CARD14: variants seen among roughly 807,000 people sequenced by gnomAD.
CARD14 encodes caspase recruitment domain family member 14.
In CARD14, 107 loss-of-function variants were observed where a neutral mutation model predicts 111.5. That is an observed-to-expected ratio of 0.96 (90% CI 0.82 to 1.13). The LOEUF (loss-of-function observed/expected upper bound fraction) is 1.13. Ranked by LOEUF, CARD14 falls within the 50% of genes most tolerant of loss-of-function variation. The pLI is 0.00. For synonymous variants in CARD14, 617 were observed against 579.6 expected, an observed-to-expected ratio of 1.06 and a Z score of -0.93; for missense variants, 1,322 against 1,362.3, an observed-to-expected ratio of 0.97 and a Z score of 0.47.
rs140536892 is a variant in CARD14, at chr17:80,207,062, C to G, written c.2784C>G (p.Asn928Lys). The G allele has an allele frequency of 1.9e-6, 3 of 1,613,720 alleles. No homozygotes were observed. The East Asian group carries it at 6.7e-5, about 36-fold the overall frequency. The change falls in exon 23 of 24, where the codon AAC (asparagine) becomes AAG (lysine). Residue 928 changes from asparagine (N) to lysine (K), a missense_variant. Coordinates refer to ENST00000648509, the MANE Select transcript of CARD14 (RefSeq NM_001366385.1). Reference sequence around the variant, plus strand: ...CCATCGTCATCCACGTCTCTGTCAACGAGAAGATGGCAAAGAAGCTCAAGT... The same window carrying G: ...CCATCGTCATCCACGTCTCTGTCAAGGAGAAGATGGCAAAGAAGCTCAAGT... Reference protein sequence around the residue: ...IFPIVIHVSVNEKMAKKLKKG... With the variant: ...IFPIVIHVSVKEKMAKKLKKG...
At chr17:80,175,958 T>TG (rs2040015358) in intron 2 of CARD14, among the ~76,000 whole-genome samples, 1 of 13,266 alleles carries the variant, frequency 7.5e-5, no homozygotes, top group Non-Finnish European at 1.8e-4. Flanking sequence ...GATCGTTTTT[T>TG]TTTTTTTTTT....
rs1364060913 is a variant in CARD14, at chr17:80,195,711, A to C, written c.1594+59A>C. On this transcript the variant is annotated intron_variant, in intron 14 of 23. Transcript: ENST00000648509. The surrounding 1 kb of genome is among the most constrained non-coding windows in gnomAD (Gnocchi z 4.7). Reference sequence around the variant, plus strand: ...TCCACCTCCCCTGGGCAGAGCAGGGAGCTGATGAGAAAGCCGGGGCCTCTC... The same window carrying C: ...TCCACCTCCCCTGGGCAGAGCAGGGCGCTGATGAGAAAGCCGGGGCCTCTC... 6 of 1,417,114 alleles carry C rather than the reference A, an allele frequency of 4.2e-6. No homozygotes were observed. Among genetic ancestry groups the C allele is most frequent in the Non-Finnish European group, 5.8e-6 (6 of 1,026,214 alleles). 87.8% of individuals were successfully genotyped at this position (1,417,114 alleles called of 1,614,324 possible). A position where few individuals can be genotyped will look rare whatever the true frequency, so the allele number is the denominator to read the frequency against.
intron 16 of CARD14, among the ~76,000 whole-genome samples, chr17:80,199,231 G>C (rs191409195): frequency 1.3e-5 from 2 of 152,040 alleles, no homozygotes; most frequent in African/African-American, 4.8e-5. Context: ...GGTGGCTCAC[G>C]CCTGTAATCC....
At chr17:80,171,559 A>C (rs1567861241) in intron 1 of CARD14, among the ~76,000 whole-genome samples, 1 of 152,158 alleles carries the variant, frequency 6.6e-6, no homozygotes, top group South Asian at 2.1e-4. Flanking sequence ...AGTTACAAAG[A>C]AACTCCTGCA....
chr17:80,189,841 G>A lies in CARD14; in HGVS notation c.932G>A (p.Arg311Gln), dbSNP rs771413361. Residue 311 changes from arginine (R) to glutamine (Q), a missense_variant, in exon 9 of 24, where the codon CGG (arginine) becomes CAG (glutamine). By Grantham distance (43) the Arg-to-Gln change is conservative (BLOSUM62 1). Coordinates refer to ENST00000648509, the MANE Select transcript of CARD14 (RefSeq NM_001366385.1). This position sits in a 1 kb window ranked among gnomAD's most constrained non-coding sequence, Gnocchi z 4.7. ...GAGCGCATCCACTCGCTGCGGGAGC[G>A]GGCCGTGGCTGCCGAGAGGCAGCGA... The part of the protein sequence containing the change: ...LVERIHSLRE[R>Q]AVAAERQREQ... 39 of 1,591,806 alleles carry A rather than the reference G, an allele frequency of 2.5e-5. No homozygotes were observed. In the Admixed American group the frequency reaches 5.8e-4, roughly 24 times the overall value.
chr17:80,201,618 C>T lies in CARD14; in HGVS notation c.1852-126C>T, dbSNP rs935295192. 30 of 934,014 alleles carry T rather than the reference C, an allele frequency of 3.2e-5. No homozygotes were observed. Among genetic ancestry groups the T allele is most frequent in the African/African-American group, 2.6e-4 (16 of 62,066 alleles). 57.9% of individuals were successfully genotyped at this position (934,014 alleles called of 1,614,324 possible). On this transcript the variant is annotated intron_variant, in intron 16 of 23. Transcript: ENST00000648509. The surrounding 1 kb of genome is among the most constrained non-coding windows in gnomAD (Gnocchi z 5.0). ...GTGTGTGGCTTTGTTTTGACCAAGG[C>T]GTGCAGGCAGTGGTCCTACGGCAGG...
chr17:80,203,492 C>T lies in CARD14; in HGVS notation c.2220-330C>T, dbSNP rs183105302. The T allele has an allele frequency of 6.5e-4, 184 of 281,042 alleles. No individual in the cohort carries two copies. The highest frequency in any genetic ancestry group is 1.1e-3 in the Non-Finnish European group (160 of 150,736). 17.4% of individuals were successfully genotyped at this position (281,042 alleles called of 1,614,324 possible). A position where few individuals can be genotyped will look rare whatever the true frequency, so the allele number is the denominator to read the frequency against. ...CAGCTCTCTCGGTGACTCCAGGCTG[C>T]AGGCCAGGGACCCACCATGAATATT... On this transcript the variant is annotated intron_variant, in intron 18 of 23. Transcript: ENST00000648509. This position sits in a 1 kb window ranked among gnomAD's most constrained non-coding sequence, Gnocchi z 4.6.
intron 1 of CARD14, among the ~76,000 whole-genome samples, chr17:80,171,110 G>A (rs2039886351): frequency 6.7e-6 from 1 of 150,306 alleles, no homozygotes; most frequent in Non-Finnish European, 1.5e-5. Flanking sequence ...CAAAGTGCTG[G>A]GATTACGGGC....
intron 23 of CARD14, chr17:80,207,699 T>C (rs1190441937): frequency 5.9e-6 from 1 of 168,286 alleles, no homozygotes; most frequent in African/African-American, 2.4e-5. Context: ...GAAAATGACA[T>C]TTTATAATTG....
Position 80,182,898 on chromosome 17 carries a change from TC to T in CARD14, c.349+110del. The T allele has an allele frequency of 7.4e-7, 1 of 1,346,166 alleles. No homozygotes were observed. Among genetic ancestry groups the T allele is most frequent in the Non-Finnish European group, 1.0e-6 (1 of 964,700 alleles). The allele number at this position is 1,346,166 out of a possible 1,614,324, so 83.4% of individuals were successfully genotyped here. ...CCGATTTGCCCTACTCCCCCTTCCC[TC>T]CAGGCTGCAGTTCCTGTCCCAGCCC... On this transcript the variant is annotated intron_variant, in intron 6 of 23. Transcript: ENST00000648509. This position sits in a 1 kb window ranked among gnomAD's most constrained non-coding sequence, Gnocchi z 4.7.
At chr17:80,204,469 A>C (rs1391370913) in intron 20 of CARD14, 128 bp downstream of exon 20, 1 of 894,234 alleles carries the variant, frequency 1.1e-6, no homozygotes, top group Non-Finnish European at 1.7e-6. Flanking sequence ...GGTCTTCAAG[A>C]ATCATGGGGC....
rs773835416 is a variant in CARD14, at chr17:80,207,070, T to A, written c.2792T>A (p.Met931Lys). 9 of 1,613,566 alleles carry A rather than the reference T, an allele frequency of 5.6e-6. No homozygotes were observed. Among genetic ancestry groups the A allele is most frequent in the Non-Finnish European group, 6.8e-6 (8 of 1,179,750 alleles). The change falls in exon 23 of 24, where the codon ATG becomes AAG. Residue 931 changes from methionine to lysine, a missense_variant. Transcript: ENST00000648509. ...IVIHVSVNEK[M>K]AKKLKKGLQR... ...ATCCACGTCTCTGTCAACGAGAAGATGGCAAAGAAGCTCAAGTAGGTGCAC... is the reference window on the plus strand; with the variant it reads ...ATCCACGTCTCTGTCAACGAGAAGAAGGCAAAGAAGCTCAAGTAGGTGCAC...
rs778539318 is a variant in CARD14 at position 80,201,852 on chromosome 17, G to C, written c.1960G>C (p.Val654Leu). ...GGTGGACGGCTTCTGCTGCCTGTCTGTGAAGGTCAACACGGACGGTACACA... is the reference window on the plus strand; with the variant it reads ...GGTGGACGGCTTCTGCTGCCTGTCTCTGAAGGTCAACACGGACGGTACACA... Reference protein sequence around the residue: ...RRVDGFCCLSVKVNTDGYKRL... With the variant: ...RRVDGFCCLSLKVNTDGYKRL... The change falls in exon 17 of 24, where the codon GTG (valine) becomes CTG (leucine). Residue 654 changes from valine (V) to leucine (L), a missense_variant. Physicochemically the swap from Val to Leu is conservative, Grantham distance 32. Coordinates refer to ENST00000648509, the MANE Select transcript of CARD14 (RefSeq NM_001366385.1). This position sits in a 1 kb window ranked among gnomAD's most constrained non-coding sequence, Gnocchi z 5.0. 2.1e-5 allele frequency: 34 copies of C among 1,613,640 alleles called. No individual in the cohort carries two copies. Among genetic ancestry groups the C allele is most frequent in the Non-Finnish European group, 2.7e-5 (32 of 1,179,846 alleles).
rs1192493367 is a variant in CARD14, at chr17:80,208,669, A to G, written c.*324A>G. On this transcript the variant is annotated 3_prime_UTR_variant, in exon 24 of 24. Coordinates refer to ENST00000648509, the MANE Select transcript of CARD14 (RefSeq NM_001366385.1). The stretch of plus-strand genomic sequence containing the variant: ...CCTTCCCTAGAACCGGAGGCCCCGG[A>G]CTTCTCTGGAAAACCGCCTGTCTGC... 2 of 270,502 alleles carry G rather than the reference A, an allele frequency of 7.4e-6. No individual in the cohort carries two copies. Among genetic ancestry groups the G allele is most frequent in the African/African-American group, 4.4e-5 (2 of 45,718 alleles). 16.8% of individuals were successfully genotyped at this position (270,502 alleles called of 1,614,324 possible).
chr17:80,188,541 C>T lies in CARD14; in HGVS notation c.840C>T (p.Ser280=), dbSNP rs755246184. Residue 280 remains serine (S), a synonymous_variant, in exon 8 of 24, where the codon AGC becomes AGT. Coordinates refer to ENST00000648509, the MANE Select transcript of CARD14 (RefSeq NM_001366385.1). This position sits in a 1 kb window ranked among gnomAD's most constrained non-coding sequence, Gnocchi z 4.5. ...AGAAACTGCGCTCGCTGACTTTCAG[C>T]CTGGTAGGTTCCGGTCCCCGCAGCA... The part of the protein sequence containing the change: ...ENEKLRSLTF[S]LAEKDILEQS... 1.3e-6 allele frequency: 2 copies of T among 1,505,402 alleles called. No homozygotes were observed. Among genetic ancestry groups the T allele is most frequent in the Non-Finnish European group, 1.8e-6 (2 of 1,125,478 alleles). The allele number at this position is 1,505,402 out of a possible 1,614,324, so 93.3% of individuals were successfully genotyped here.
At chr17:80,186,260 T>C (rs2040341399) in intron 7 of CARD14, among the ~76,000 whole-genome samples, 1 of 152,224 alleles carries the variant, frequency 6.6e-6, no homozygotes, top group Non-Finnish European at 1.5e-5. Context: ...CCACGGCCTC[T>C]GCCTTCCCTT....
intron 4 of CARD14, among the ~76,000 whole-genome samples, chr17:80,179,712 G>A (rs2040109724): frequency 6.6e-6 from 1 of 152,188 alleles, no homozygotes; most frequent in Non-Finnish European, 1.5e-5. Context: ...CATGCCTGCG[G>A]TCTCAGCTAC....
At chr17:80,205,733 T>G in intron 22 of CARD14, 81 bp downstream of exon 22, 2 of 1,390,898 alleles carry the variant, frequency 1.4e-6, no homozygotes, top group South Asian at 1.5e-5. Context: ...GAGATAAAGG[T>G]ACAGGGACCG....
In CARD14 at chr17:80,205,079, C is replaced by T; in HGVS notation, c.2443C>T (p.Pro815Ser). The part of the protein sequence containing the change: ...FWAESCLTLV[P>S]YTLVRPHRPA... ...GGCCGAGAGCTGCCTCACCCTGGTG[C>T]CCTATACCCTGGTGCGGCCCCATCG... The change falls in exon 21 of 24, where the codon CCC becomes TCC. Residue 815 changes from proline (P) to serine (S), a missense_variant. Pro to Ser is a moderately conservative substitution (Grantham distance 74, BLOSUM62 -1). Coordinates refer to ENST00000648509, the MANE Select transcript of CARD14 (RefSeq NM_001366385.1). 5.6e-6 allele frequency: 9 copies of T among 1,612,228 alleles called. No homozygotes were observed. The highest frequency in any genetic ancestry group is 6.8e-6 in the Non-Finnish European group (8 of 1,179,246).
Sources: gnomAD v4.1 joint callset for allele counts (sites outside exome capture counted in the v4.1 genomes callset) on GRCh38, gnomAD v4.1.1 for gene constraint, Gnocchi (gnomAD v3.1) non-coding constraint, MANE v1.5 for transcripts, NCBI Gene and HGNC (gene_info 2026-07-23, HGNC 2026-07-21) for gene names.